Variants in DSCAM observed in about 807,000 individuals in gnomAD.
DSCAM encodes DS cell adhesion molecule.
In DSCAM, 47 loss-of-function variants were observed where a neutral mutation model predicts 217.7. The observed-to-expected ratio is 0.22, with a 90% CI of 0.17 to 0.28. The LOEUF is 0.28. Among genes scored for constraint, DSCAM ranks in the 10% least tolerant of loss-of-function variants. The probability of loss-of-function intolerance (pLI) is 1.00; values close to 1 mark genes in which losing one functional copy is unlikely to be tolerated. For missense variants in DSCAM, 2,080 were observed against 2,618.3 expected, an observed-to-expected ratio of 0.79 and a Z score of 4.49; for synonymous variants, 1,056 against 1,015.3, an observed-to-expected ratio of 1.04 and a Z score of -0.76.
intron 3 of DSCAM, among the ~76,000 whole-genome samples, chr21:40,679,820 T>G: frequency 6.6e-6 from 1 of 152,224 alleles, no homozygotes; most frequent in East Asian, 1.9e-4. Flanking sequence ...ATGTTGAAAT[T>G]GAAGGATTTT....
In DSCAM at chr21:40,042,629, T is replaced by C; in HGVS notation, c.5428A>G (p.Thr1810Ala). 1 of 1,613,684 alleles carries C rather than the reference T, an allele frequency of 6.2e-7. No individual in the cohort carries two copies. ...TAGGCCCTGGCCAGTTCTTCGTAAG[T>C]GGAGGAGGCACTTTCTGTGGAGACC... is the stretch of plus-strand genomic sequence containing the variant. The part of the protein sequence containing the change: ...SMVSTESASS[T>A]YEELARAYEH... Residue 1810 changes from threonine (T) to alanine (A), a missense_variant, in exon 32 of 33, where the codon ACT becomes GCT. Around this residue, in one of 5 missense-constraint regions of DSCAM, gnomAD observed 1,144 missense variants for 1,421.1 expected, o/e 0.81. Coordinates refer to ENST00000400454, the MANE Select transcript of DSCAM (RefSeq NM_001389.5).
chr21:40,699,734 G>A (rs1601141492), intron 2 of DSCAM, among the ~76,000 whole-genome samples: 2 of 152,258 alleles, frequency 1.3e-5, no homozygotes, highest in Admixed American at 1.3e-4. Flanking sequence ...TTAGAGGGGT[G>A]GGAAAGCTGC....
intron 3 of DSCAM, among the ~76,000 whole-genome samples, chr21:40,489,820 T>C (rs1454398559): frequency 1.3e-5 from 2 of 150,962 alleles, no homozygotes; most frequent in Non-Finnish European, 2.9e-5. Context: ...ATTGGTTCTG[T>C]TTCTCCAGAG....
At chr21:40,463,320 C>G (rs2075820183) in intron 3 of DSCAM, among the ~76,000 whole-genome samples, 2 of 152,180 alleles carry the variant, frequency 1.3e-5, no homozygotes, top group South Asian at 4.2e-4. Flanking sequence ...GCTGAACATC[C>G]AATAACAACT....
chr21:40,727,333 G>T (rs763573329), intron 1 of DSCAM, among the ~76,000 whole-genome samples: 1 of 152,168 alleles, frequency 6.6e-6, no homozygotes, highest in African/African-American at 2.4e-5. Context: ...AAAACTTCAA[G>T]AAGTTTTCTT....
chr21:40,598,504 T>TTG (rs1486265156), intron 3 of DSCAM, among the ~76,000 whole-genome samples: 1 of 134,446 alleles, frequency 7.4e-6, no homozygotes, highest in African/African-American at 2.9e-5. Flanking sequence ...ACTGTTTTTT[T>TTG]TTTTTTTTTT....
chr21:40,577,307 G>C (rs962671974), intron 3 of DSCAM, among the ~76,000 whole-genome samples: 1 of 149,566 alleles, frequency 6.7e-6, no homozygotes, highest in Non-Finnish European at 1.5e-5. Context: ...ACCAGAACCA[G>C]AACAAAGTCA....
intron 20 of DSCAM, among the ~76,000 whole-genome samples, chr21:40,117,865 A>G (rs2089990158): frequency 6.6e-6 from 1 of 152,198 alleles, no homozygotes; most frequent in Non-Finnish European, 1.5e-5. Flanking sequence ...AAATAAAAAT[A>G]CAGCATTTAA....
chr21:40,697,332 T>C (rs533101766), intron 2 of DSCAM, among the ~76,000 whole-genome samples: 2 of 152,362 alleles, frequency 1.3e-5, no homozygotes, highest in East Asian at 3.9e-4. Flanking sequence ...AGAGTTTTTC[T>C]GCTTGATGTA....
intron 11 of DSCAM, among the ~76,000 whole-genome samples, chr21:40,200,060 T>C (rs2091054478): frequency 6.7e-6 from 1 of 148,750 alleles, no homozygotes; most frequent in Admixed American, 6.7e-5. Flanking sequence ...AAAAAATTGG[T>C]CATTTTGGTC....
intron 14 of DSCAM, among the ~76,000 whole-genome samples, chr21:40,181,316 ATTGGAAACACC>A (rs1186526737): frequency 6.6e-6 from 1 of 152,146 alleles, no homozygotes; most frequent in Non-Finnish European, 1.5e-5. Flanking sequence ...CTGTGGGCAC[ATTGGAAACACC>A]TTGGGGCTTT....
intron 20 of DSCAM, among the ~76,000 whole-genome samples, chr21:40,104,132 T>C (rs1400272927): frequency 1.3e-5 from 2 of 152,128 alleles, no homozygotes; most frequent in African/African-American, 4.8e-5. Flanking sequence ...CTACAATTTT[T>C]CCTCATCCCC....
In DSCAM at chr21:40,306,349, C is replaced by T. The variant is rs542740103; in HGVS notation, c.2062+5732G>A. ...AGCTTAAGAAGATTTTGGGCTGAGACGATGGGGTTTTCTAGATATACAATC... is the reference window on the plus strand; with the variant it reads ...AGCTTAAGAAGATTTTGGGCTGAGATGATGGGGTTTTCTAGATATACAATC... On this transcript the variant is annotated intron_variant, in intron 9 of 32. Transcript: ENST00000400454. 4.2e-4 allele frequency among the ~76,000 whole-genome samples: 63 copies of T among 151,074 alleles called. No homozygotes were observed. In the East Asian group the frequency reaches 9.8e-3, roughly 23 times the overall value.
chr21:40,068,519 A>T (rs2089244072), intron 27 of DSCAM, among the ~76,000 whole-genome samples: 1 of 152,208 alleles, frequency 6.6e-6, no homozygotes. Context: ...CAATAGACCA[A>T]GTATTTTTGA....
intron 2 of DSCAM, among the ~76,000 whole-genome samples, chr21:40,707,174 C>A (rs1452783900): frequency 6.6e-6 from 1 of 152,176 alleles, no homozygotes. Flanking sequence ...GTTTGAAATT[C>A]TAGGTTTCCC....
At chr21:40,521,527 T>C (rs567166521) in intron 3 of DSCAM, among the ~76,000 whole-genome samples, 2 of 152,214 alleles carry the variant, frequency 1.3e-5, no homozygotes, top group Non-Finnish European at 2.9e-5. Context: ...TGAGAATGTT[T>C]TCATATACCT....
chr21:40,381,910 A>C (rs764445320), intron 3 of DSCAM, among the ~76,000 whole-genome samples: 21 of 152,202 alleles, frequency 1.4e-4, no homozygotes, highest in Admixed American at 1.0e-3. Context: ...GTTTCAGTAC[A>C]CCTGTGCATA....
intron 11 of DSCAM, among the ~76,000 whole-genome samples, chr21:40,240,401 A>T (rs1211029225): frequency 6.9e-5 from 8 of 116,608 alleles, no homozygotes; most frequent in Non-Finnish European, 1.1e-4. Flanking sequence ...AACTCTACCC[A>T]TTCTAATGTA....
intron 1 of DSCAM, among the ~76,000 whole-genome samples, chr21:40,764,176 AT>A (rs1174254637): frequency 1.3e-5 from 2 of 151,432 alleles, no homozygotes; most frequent in Non-Finnish European, 2.9e-5. Context: ...AATGGGAGAA[AT>A]TTTTTGCAAT....
Sources: allele counts gnomAD v4.1 joint callset (sites outside exome capture counted in the v4.1 genomes callset), GRCh38; gene constraint gnomAD v4.1.1; regional missense constraint gnomAD v4.1.1; transcripts MANE v1.5; gene names NCBI Gene and HGNC (gene_info 2026-07-23, HGNC 2026-07-21).